RBFOX1: variants seen among roughly 807,000 people sequenced by gnomAD.
RBFOX1 encodes RNA binding fox-1 homolog 1.
Under a neutral mutation model 57.7 loss-of-function variants are expected in RBFOX1, and 8 were observed. The ratio of observed to expected loss-of-function variants is 0.14; its 90% CI spans 0.08 to 0.25. The LOEUF is 0.25. Among genes scored for constraint, RBFOX1 ranks in the 10% least tolerant of loss-of-function variants. The pLI is 1.00. For missense variants in RBFOX1, 611 were observed against 548.5 expected, an observed-to-expected ratio of 1.11 and a Z score of -1.14; for synonymous variants, 326 against 222.4, an observed-to-expected ratio of 1.47 and a Z score of -4.15.
At chr16:6,324,177 C>T (rs1357605176) in intron 2 of RBFOX1, among the ~76,000 whole-genome samples, 2 of 111,010 alleles carry the variant, frequency 1.8e-5, no homozygotes, top group Non-Finnish European at 3.3e-5. Context: ...CTCCATAGTT[C>T]ATGCTCTGTG....
At chr16:6,528,218 A>G (rs2096608571) in intron 2 of RBFOX1, among the ~76,000 whole-genome samples, 1 of 152,164 alleles carries the variant, frequency 6.6e-6, no homozygotes, top group South Asian at 2.1e-4. Flanking sequence ...TAGTTGCTCA[A>G]TAAATATTTG....
chr16:5,738,428 T>C (rs371579606), intron 3 of RBFOX1, among the ~76,000 whole-genome samples: 19 of 151,776 alleles, frequency 1.3e-4, no homozygotes, highest in East Asian at 3.9e-4. Flanking sequence ...GGTCAGGAGA[T>C]GAAGACCAGA....
chr16:7,134,655 G>A lies in RBFOX1; in HGVS notation c.27+82557G>A, dbSNP rs112543471. On this transcript the variant is annotated intron_variant, in intron 4 of 15. Coordinates refer to ENST00000550418, the MANE Select transcript of RBFOX1 (RefSeq NM_018723.4). Reference sequence around the variant, plus strand: ...AATGATCGTTGAAGAAAAGAATTCCGTCAGCTTTCATTCACATCAACAGAG... The same window carrying A: ...AATGATCGTTGAAGAAAAGAATTCCATCAGCTTTCATTCACATCAACAGAG... Among the ~76,000 whole-genome samples, 47 of 152,238 alleles carry A rather than the reference G, an allele frequency of 3.1e-4. No individual in the cohort carries two copies. In the South Asian group the frequency reaches 3.7e-3, roughly 12 times the overall value.
At chr16:5,868,728 A>G (rs959574769) in intron 4 of RBFOX1, among the ~76,000 whole-genome samples, 2 of 152,196 alleles carry the variant, frequency 1.3e-5, no homozygotes, top group Admixed American at 6.5e-5. Context: ...ACTGTCACCT[A>G]TGTCCCCATG....
chr16:5,372,749 A>T (rs1235157163), intron 1 of RBFOX1, among the ~76,000 whole-genome samples: 3 of 152,230 alleles, frequency 2.0e-5, no homozygotes, highest in African/African-American at 7.2e-5. Flanking sequence ...ATAAACTGTT[A>T]TTAGTTTGAT....
intron 4 of RBFOX1, among the ~76,000 whole-genome samples, chr16:7,404,820 C>T (rs972844520): frequency 2.0e-5 from 3 of 152,162 alleles, no homozygotes; most frequent in Non-Finnish European, 4.4e-5. Flanking sequence ...TTCACTGACG[C>T]AGAAACAGAT....
At chr16:7,509,542 G>C (rs1301797732) in intron 4 of RBFOX1, among the ~76,000 whole-genome samples, 1 of 152,110 alleles carries the variant, frequency 6.6e-6, no homozygotes, top group East Asian at 1.9e-4. Context: ...GCAAAAACTA[G>C]TGCTTGGAGT....
chr16:6,278,507 A>G (rs1323616623), intron 1 of RBFOX1, among the ~76,000 whole-genome samples: 1 of 151,336 alleles, frequency 6.6e-6, no homozygotes, highest in African/African-American at 2.4e-5. Context: ...TAGTTTCAGA[A>G]TTGGTGAATC....
At chr16:6,551,793 G>C (rs1238936200) in intron 2 of RBFOX1, among the ~76,000 whole-genome samples, 4 of 152,216 alleles carry the variant, frequency 2.6e-5, no homozygotes. Context: ...CGGGACGTCA[G>C]AGCTACTGTG....
intron 1 of RBFOX1, among the ~76,000 whole-genome samples, chr16:5,397,695 C>T (rs934606179): frequency 2.0e-5 from 3 of 152,232 alleles, no homozygotes; most frequent in African/African-American, 4.8e-5. Flanking sequence ...CCAAATGCTA[C>T]GTGGACCTTC....
At chr16:6,153,821 C>T (rs1250224949) in intron 1 of RBFOX1, among the ~76,000 whole-genome samples, 1 of 152,190 alleles carries the variant, frequency 6.6e-6, no homozygotes, top group Non-Finnish European at 1.5e-5. Context: ...CAGGTGTGAG[C>T]CACCATGCCC....
intron 4 of RBFOX1, among the ~76,000 whole-genome samples, chr16:7,244,674 A>C (rs746466097): frequency 6.6e-6 from 1 of 152,190 alleles, no homozygotes; most frequent in Non-Finnish European, 1.5e-5. Context: ...ATGGTATGCA[A>C]CTTGTGGGTA....
At chr16:6,446,881 A>G (rs2094496413) in intron 2 of RBFOX1, among the ~76,000 whole-genome samples, 1 of 152,172 alleles carries the variant, frequency 6.6e-6, no homozygotes, top group African/African-American at 2.4e-5. Context: ...GAGACCTAAA[A>G]GTGTTTGGAT....
intron 4 of RBFOX1, among the ~76,000 whole-genome samples, chr16:5,953,850 G>C (rs897740043): frequency 6.6e-6 from 1 of 152,016 alleles, no homozygotes; most frequent in Non-Finnish European, 1.5e-5. Context: ...ATGACTTCTA[G>C]ATACCCAGTA....
chr16:7,417,418 G>C (rs1464203909), intron 4 of RBFOX1, among the ~76,000 whole-genome samples: 1 of 146,610 alleles, frequency 6.8e-6, no homozygotes, highest in South Asian at 2.2e-4. Context: ...TGTTCCCCCA[G>C]TTTCCCCAGT....
chr16:5,829,877 G>C (rs1469963394), intron 3 of RBFOX1, among the ~76,000 whole-genome samples: 1 of 152,152 alleles, frequency 6.6e-6, no homozygotes, highest in East Asian at 1.9e-4. Flanking sequence ...CAGGGGGGAA[G>C]AAAAGGCCTT....
intron 5 of RBFOX1, among the ~76,000 whole-genome samples, chr16:7,555,384 G>GAC (rs1457005701): frequency 6.6e-6 from 1 of 152,144 alleles, no homozygotes; most frequent in Non-Finnish European, 1.5e-5. Flanking sequence ...TTAGTTAATA[G>GAC]ACACCAGTGT....
At chr16:7,294,602 C>T (rs2095855361) in intron 4 of RBFOX1, among the ~76,000 whole-genome samples, 1 of 151,522 alleles carries the variant, frequency 6.6e-6, no homozygotes, top group South Asian at 2.1e-4. Flanking sequence ...GTGGGACTTA[C>T]TCCTGCTCTA....
chr16:7,613,311 A>C (rs2057879722), intron 10 of RBFOX1, among the ~76,000 whole-genome samples: 3 of 152,218 alleles, frequency 2.0e-5, no homozygotes, highest in African/African-American at 7.2e-5. Flanking sequence ...GCAAAGTCAC[A>C]TTTGAAAGGT....
Sources: allele counts gnomAD v4.1 joint callset (sites outside exome capture counted in the v4.1 genomes callset), GRCh38; gene constraint gnomAD v4.1.1; transcripts MANE v1.5; gene names NCBI Gene and HGNC (gene_info 2026-07-23, HGNC 2026-07-21).